Variants in SGCD observed in about 807,000 individuals in gnomAD.
SGCD encodes delta-sarcoglycan.
Under a neutral mutation model 36.6 loss-of-function variants are expected in SGCD, and 18 were observed. That is an observed-to-expected ratio of 0.49 (90% CI 0.34 to 0.73). SGCD has a LOEUF of 0.73. Ranked by LOEUF, SGCD falls within the 30% of genes least tolerant of loss-of-function variation. The probability of loss-of-function intolerance (pLI) is 0.01; values close to 1 mark genes in which losing one functional copy is unlikely to be tolerated. For synonymous variants in SGCD, 133 were observed against 130.6 expected (o/e 1.02, Z -0.12); for missense variants, 387 against 346.7 (o/e 1.12, Z -0.92).
chr5:156,122,675 A>C (rs1762070452), intron 2 of SGCD, among the ~76,000 whole-genome samples: 1 of 151,674 alleles, frequency 6.6e-6, no homozygotes, highest in African/African-American at 2.4e-5. Flanking sequence ...TGGCCATTGC[A>C]ACAACTTTAA....
intron 3 of SGCD, among the ~76,000 whole-genome samples, chr5:156,160,388 G>A (rs541754874): frequency 9.2e-5 from 14 of 151,494 alleles, no homozygotes; most frequent in African/African-American, 3.4e-4. Flanking sequence ...TTTTATTCCT[G>A]CAATTCATTT....
chr5:156,303,809 G>A (rs545965933), intron 3 of SGCD, among the ~76,000 whole-genome samples: 147 of 151,794 alleles, frequency 9.7e-4, no homozygotes, highest in African/African-American at 3.5e-3. Context: ...CCTCTTTTAA[G>A]GGCTGTGTTT....
intron 7 of SGCD, among the ~76,000 whole-genome samples, chr5:156,650,836 G>A (rs1463015637): frequency 6.6e-6 from 1 of 152,068 alleles, no homozygotes; most frequent in African/African-American, 2.4e-5. Context: ...ATTTCCCTTT[G>A]GGTATATACC....
At chr5:156,682,448 A>G (rs1392314746) in intron 7 of SGCD, among the ~76,000 whole-genome samples, 4 of 152,230 alleles carry the variant, frequency 2.6e-5, no homozygotes, top group African/African-American at 9.6e-5. Flanking sequence ...AAAAACTTTT[A>G]GGCTAAGAGA....
At chr5:155,844,675 T>C in the SGCD span, among the ~76,000 whole-genome samples, 1 of 152,192 alleles carries the variant, frequency 6.6e-6, no homozygotes, top group Non-Finnish European at 1.5e-5. Context: ...GGTGCTGTCC[T>C]GCTCATATTA....
At chr5:156,170,696 G>A (rs891666594) in intron 3 of SGCD, among the ~76,000 whole-genome samples, 1 of 152,098 alleles carries the variant, frequency 6.6e-6, no homozygotes, top group African/African-American at 2.4e-5. Context: ...CAAATTAGTA[G>A]GACAGGTCAG....
chr5:155,770,669 C>G, the SGCD span, among the ~76,000 whole-genome samples: 3 of 152,064 alleles, frequency 2.0e-5, no homozygotes, highest in African/African-American at 7.2e-5. Context: ...TCTGCTTTCC[C>G]CCTAGCACCT....
intron 1 of SGCD, among the ~76,000 whole-genome samples, chr5:155,934,100 T>C (rs1757150748): frequency 6.6e-6 from 1 of 152,210 alleles, no homozygotes; most frequent in Admixed American, 6.5e-5. Flanking sequence ...TTTGGCAGAA[T>C]TGGATGCACA....
chr5:156,171,234 C>A (rs79169032), intron 3 of SGCD, among the ~76,000 whole-genome samples: 4,296 of 152,276 alleles, frequency 0.028, 170 homozygotes, highest in African/African-American at 0.087. Context: ...TAAGTGGGTC[C>A]TAGAAGAACT....
chr5:156,290,629 G>A (rs1766734344), intron 3 of SGCD, among the ~76,000 whole-genome samples: 1 of 152,104 alleles, frequency 6.6e-6, no homozygotes, highest in Non-Finnish European at 1.5e-5. Flanking sequence ...AATATATAGT[G>A]GTGACTGTGA....
chr5:156,279,663 T>C (rs957047436), intron 3 of SGCD, among the ~76,000 whole-genome samples: 3 of 152,100 alleles, frequency 2.0e-5, no homozygotes, highest in African/African-American at 7.2e-5. Flanking sequence ...AGTAGAAGTA[T>C]CCTCGAGGCA....
chr5:156,711,696 A>C (rs1755001492), intron 7 of SGCD, among the ~76,000 whole-genome samples: 1 of 152,166 alleles, frequency 6.6e-6, no homozygotes, highest in Admixed American at 6.5e-5. Context: ...TGACTTTCTG[A>C]AATTCTCCAA....
At chr5:156,559,097 CCTTT>C (rs1385870799) in intron 4 of SGCD, among the ~76,000 whole-genome samples, 2 of 152,090 alleles carry the variant, frequency 1.3e-5, no homozygotes, top group Non-Finnish European at 1.5e-5. Context: ...TATACAGATC[CCTTT>C]CTTTCTAAGA....
At chr5:156,423,616 C>CAT (rs1297429805) in intron 3 of SGCD, among the ~76,000 whole-genome samples, 1 of 151,216 alleles carries the variant, frequency 6.6e-6, no homozygotes, top group African/African-American at 2.4e-5. Flanking sequence ...TGACACTTAA[C>CAT]ATATGCCCAA....
At chr5:156,605,181 A>C (rs1369309095) in intron 6 of SGCD, among the ~76,000 whole-genome samples, 10 of 152,068 alleles carry the variant, frequency 6.6e-5, no homozygotes, top group Non-Finnish European at 1.5e-4. Context: ...GGTATATCTC[A>C]TAATGCTATC....
chr5:156,435,374 A>G (rs1753198353), intron 3 of SGCD, among the ~76,000 whole-genome samples: 1 of 152,220 alleles, frequency 6.6e-6, no homozygotes, highest in Non-Finnish European at 1.5e-5. Context: ...CCCTGAGGAT[A>G]TACTAAGGAC....
intron 3 of SGCD, among the ~76,000 whole-genome samples, chr5:156,246,788 C>A (rs556637127): frequency 6.6e-6 from 1 of 152,036 alleles, no homozygotes; most frequent in South Asian, 2.1e-4. Context: ...AATGGCTTTC[C>A]GCGTTCCAGG....
At chr5:156,405,619 T>C (rs1238849861) in intron 3 of SGCD, among the ~76,000 whole-genome samples, 1 of 152,222 alleles carries the variant, frequency 6.6e-6, no homozygotes, top group Non-Finnish European at 1.5e-5. Flanking sequence ...TCTCCCAAGC[T>C]CTCTTCAAGG....
At chr5:156,462,237 G>A (rs181948656) in intron 3 of SGCD, among the ~76,000 whole-genome samples, 52 of 152,260 alleles carry the variant, frequency 3.4e-4, no homozygotes, top group South Asian at 2.1e-4. Flanking sequence ...GAAATGTTAT[G>A]TTTCTAACAA....
Sources: gnomAD v4.1 joint callset for allele counts (sites outside exome capture counted in the v4.1 genomes callset) on GRCh38, gnomAD v4.1.1 for gene constraint, MANE v1.5 for transcripts, NCBI Gene and HGNC (gene_info 2026-07-23, HGNC 2026-07-21) for gene names.